The following ZNF541 variants were observed in gnomAD, a reference collection of about 807,000 sequenced individuals.
ZNF541 encodes zinc finger protein 541.
Under a neutral mutation model 123.5 loss-of-function variants are expected in ZNF541, and 23 were observed. That is an observed-to-expected ratio of 0.19 (90% CI 0.13 to 0.26). The LOEUF is 0.26. ZNF541 is among the 10% of genes least tolerant of loss of function. The probability of loss-of-function intolerance (pLI) is 1.00; values close to 1 mark genes in which losing one functional copy is unlikely to be tolerated. For missense variants in ZNF541, 1,612 were observed against 1,789.9 expected (o/e 0.90, Z 1.79); for synonymous variants, 751 against 754.5 (o/e 1.00, Z 0.08).
At chr19:47,541,128 A>C (rs1226265001) in intron 5 of ZNF541, among the ~76,000 whole-genome samples, 177 bp from the exon 6 acceptor site, 2 of 152,172 alleles carry the variant, frequency 1.3e-5, no homozygotes, top group African/African-American at 4.8e-5. Context: ...TCAAAATGTA[A>C]AACTTTTAGC....
At chr19:47,568,640 G>A (rs1044213283) in intron 2 of ZNF541, among the ~76,000 whole-genome samples, 18 of 151,800 alleles carry the variant, frequency 1.2e-4, no homozygotes, top group Admixed American at 3.9e-4. Context: ...CACTGCACCC[G>A]GCCTGCAATT....
At chr19:47,555,432 T>C in intron 3 of ZNF541, 118 bp downstream of exon 3, 1 of 879,290 alleles carries the variant, frequency 1.1e-6, no homozygotes, top group Non-Finnish European at 1.7e-6. Flanking sequence ...GACTGTTCCC[T>C]AAGTCACCTG....
chr19:47,554,814 C>T (rs922809489), intron 3 of ZNF541, among the ~76,000 whole-genome samples: 2 of 152,166 alleles, frequency 1.3e-5, no homozygotes, highest in African/African-American at 4.8e-5. Flanking sequence ...GAATTGGGGG[C>T]CGAGTGTGGT....
At chr19:47,562,541 T>C (rs1971108144) in intron 2 of ZNF541, among the ~76,000 whole-genome samples, 1 of 151,926 alleles carries the variant, frequency 6.6e-6, no homozygotes, top group Non-Finnish European at 1.5e-5. Context: ...GAGACTCCAT[T>C]TCAAAAAAAA....
rs182678568 is a variant in ZNF541 at position 47,531,514 on chromosome 19, T to C, written c.3405+128A>G. 7 of 635,972 alleles carry C rather than the reference T, an allele frequency of 1.1e-5. No homozygotes were observed. In the African/African-American group the frequency reaches 1.3e-4, roughly 12 times the overall value. 39.4% of individuals were successfully genotyped at this position (635,972 alleles called of 1,614,324 possible). On this transcript the variant is annotated intron_variant, in intron 12 of 16. Transcript: ENST00000391901. The stretch of plus-strand genomic sequence containing the variant: ...AGGACCACTGCAATCCCAAAGCCGC[T>C]GTGGAGGAGGATGGGCGGCCTTCTT...
At chr19:47,556,436 T>A (rs1970823840) in intron 2 of ZNF541, among the ~76,000 whole-genome samples, 1 of 152,178 alleles carries the variant, frequency 6.6e-6, no homozygotes, top group African/African-American at 2.4e-5. Context: ...ATGAAGTACT[T>A]GATTTTTTCT....
chr19:47,554,039 T>C (rs1191683381), intron 3 of ZNF541, among the ~76,000 whole-genome samples: 1 of 152,194 alleles, frequency 6.6e-6, no homozygotes, highest in East Asian at 1.9e-4. Context: ...CTACCTTCAA[T>C]ATGAAAGCAA....
At chr19:47,533,254 C>G (rs1426848490) in intron 9 of ZNF541, among the ~76,000 whole-genome samples, 1 of 149,130 alleles carries the variant, frequency 6.7e-6, no homozygotes, top group Non-Finnish European at 1.5e-5. Context: ...TGCCTGTAGT[C>G]CCAGCTGAGA....
intron 5 of ZNF541, among the ~76,000 whole-genome samples, chr19:47,542,534 C>A (rs1299870083): frequency 2.6e-5 from 4 of 152,072 alleles, no homozygotes; most frequent in Admixed American, 6.6e-5. Flanking sequence ...TGCCTGTAAT[C>A]CCAGCTACTT....
intron 3 of ZNF541, among the ~76,000 whole-genome samples, chr19:47,553,001 C>T (rs910370337): frequency 7.2e-5 from 10 of 139,600 alleles, no homozygotes; most frequent in Non-Finnish European, 9.4e-5. Flanking sequence ...CCCAGCTACT[C>T]GGGAGGCTGA....
rs1477337571 is a variant in ZNF541 at position 47,521,918 on chromosome 19, C to T, written c.3647G>A (p.Arg1216Gln). 7 of 1,551,922 alleles carry T rather than the reference C, an allele frequency of 4.5e-6. No individual in the cohort carries two copies. In the East Asian group the frequency reaches 7.3e-5, roughly 16 times the overall value. The change falls in exon 15 of 17, where the codon CGA becomes CAA. Residue 1216 changes from arginine to glutamine, a missense_variant. Arg to Gln is a conservative substitution (Grantham distance 43). This residue lies in a region of ZNF541 where 285 missense variants were observed against 407.3 expected (regional missense o/e 0.70). Coordinates refer to ENST00000391901, the MANE Select transcript of ZNF541 (RefSeq NM_001277075.3). The surrounding 1 kb of genome is among the most constrained non-coding windows in gnomAD (Gnocchi z 4.2). ...GACCCTCTTTTCTAGCCCTGGGGCTCGGCCACAGTCAAACTTGATCATTTT... is the reference window on the plus strand; with the variant it reads ...GACCCTCTTTTCTAGCCCTGGGGCTTGGCCACAGTCAAACTTGATCATTTT... ...WKKMIKFDCG[R>Q]APGLEKRVKR...
At chr19:47,525,155 C>A in intron 14 of ZNF541, among the ~76,000 whole-genome samples, 1 of 151,922 alleles carries the variant, frequency 6.6e-6, no homozygotes, top group Non-Finnish European at 1.5e-5. Context: ...TGTGGTTGTG[C>A]GCACCTGTAA....
chr19:47,573,225 G>A (rs1347543145), upstream of ZNF541, among the ~76,000 whole-genome samples: 3 of 151,164 alleles, frequency 2.0e-5, no homozygotes, highest in East Asian at 5.9e-4. Flanking sequence ...CGGCGCAGGC[G>A]CGCGTACGTG....
chr19:47,521,281 C>T lies in ZNF541; in HGVS notation c.3984G>A (p.Lys1328=), dbSNP rs1200953113. 2.6e-6 allele frequency: 4 copies of T among 1,551,628 alleles called. No homozygotes were observed. Among genetic ancestry groups the T allele is most frequent in the African/African-American group, 2.7e-5 (2 of 73,056 alleles). Residue 1328 remains lysine, a synonymous_variant, in exon 17 of 17, where the codon AAG becomes AAA. Coordinates refer to ENST00000391901, the MANE Select transcript of ZNF541 (RefSeq NM_001277075.3). This position sits in a 1 kb window ranked among gnomAD's most constrained non-coding sequence, Gnocchi z 4.2. ...EPIIRVKWPV[K]PFQLKEEELG... Reference sequence around the variant, plus strand: ...GCTCCTCTTCCTTTAGCTGGAAGGGCTTCACTGGCCACTTCACCCTGATGA... The same window carrying T: ...GCTCCTCTTCCTTTAGCTGGAAGGGTTTCACTGGCCACTTCACCCTGATGA...
chr19:47,527,543 G>A (rs1056619216), intron 14 of ZNF541, among the ~76,000 whole-genome samples: 3 of 151,746 alleles, frequency 2.0e-5, no homozygotes, highest in Non-Finnish European at 2.9e-5. Flanking sequence ...CCACAAGCAC[G>A]CGGCACCATG....
At chr19:47,535,689 G>C (rs1969783323) in intron 9 of ZNF541, among the ~76,000 whole-genome samples, 1 of 151,882 alleles carries the variant, frequency 6.6e-6, no homozygotes, top group African/African-American at 2.4e-5. Flanking sequence ...CCAGCACTTT[G>C]GAAGGCCAAT....
chr19:47,536,290 A>G (rs1036868955), intron 9 of ZNF541, among the ~76,000 whole-genome samples: 3 of 152,134 alleles, frequency 2.0e-5, no homozygotes, highest in African/African-American at 7.2e-5. Context: ...GGGCCAGTTT[A>G]TGGCCAGATT....
intron 2 of ZNF541, among the ~76,000 whole-genome samples, chr19:47,564,368 C>T (rs1224397556): frequency 1.3e-5 from 2 of 152,166 alleles, no homozygotes; most frequent in African/African-American, 2.4e-5. Flanking sequence ...CCCTCTCTAC[C>T]GATACTGAGC....
chr19:47,532,040 C>A, intron 11 of ZNF541, 88 bp downstream of exon 11: 2 of 1,501,466 alleles, frequency 1.3e-6, no homozygotes, highest in Non-Finnish European at 1.8e-6. Context: ...ATCTAGCGGT[C>A]AGGAGTTCCA....
Sources: allele counts gnomAD v4.1 joint callset (sites outside exome capture counted in the v4.1 genomes callset), GRCh38; gene constraint gnomAD v4.1.1; regional missense constraint gnomAD v4.1.1; non-coding constraint Gnocchi (gnomAD v3.1); transcripts MANE v1.5; gene names NCBI Gene and HGNC (gene_info 2026-07-23, HGNC 2026-07-21).